Variants in ZFAND3 observed in about 807,000 individuals in gnomAD.
ZFAND3 encodes AN1-type zinc finger protein 3.
ZFAND3 carries 10 observed loss-of-function variants against 29.6 expected under a neutral mutation model. The ratio of observed to expected loss-of-function variants is 0.34; its 90% confidence interval spans 0.21 to 0.57. The LOEUF (loss-of-function observed/expected upper bound fraction) is 0.57. ZFAND3 is among the 20% of genes least tolerant of loss of function. The pLI, the probability that ZFAND3 is intolerant of heterozygous loss-of-function variation, is 0.86. For missense variants in ZFAND3, 230 were observed against 304.5 expected (o/e 0.76, Z 1.82); for synonymous variants, 128 against 112.6 (o/e 1.14, Z -0.87).
intron 1 of ZFAND3, among the ~76,000 whole-genome samples, chr6:37,927,369 G>A (rs1276435470): frequency 2.6e-5 from 4 of 152,178 alleles, no homozygotes; most frequent in Non-Finnish European, 4.4e-5. Flanking sequence ...GTGGCATTGC[G>A]TGGACAAGAG....
intron 5 of ZFAND3, among the ~76,000 whole-genome samples, 174 bp from the exon 6 acceptor site, chr6:38,152,061 G>A (rs886600342): frequency 1.3e-5 from 2 of 152,148 alleles, no homozygotes; most frequent in Non-Finnish European, 2.9e-5. Flanking sequence ...TGACCCTCTT[G>A]CTCCAGGGTG....
intron 2 of ZFAND3, among the ~76,000 whole-genome samples, chr6:38,044,457 A>G (rs1228310344): frequency 6.6e-6 from 1 of 152,096 alleles, no homozygotes; most frequent in African/African-American, 2.4e-5. Context: ...GCCATCTTGC[A>G]GAAGAACTTG....
chr6:38,049,962 T>TA (rs1293966679), intron 2 of ZFAND3, among the ~76,000 whole-genome samples: 1 of 10,426 alleles, frequency 9.6e-5, no homozygotes, highest in African/African-American at 1.7e-4. Context: ...TTTTTTTTTT[T>TA]TTTTTTGGGG....
At chr6:38,015,617 G>T (rs547907113) in intron 2 of ZFAND3, among the ~76,000 whole-genome samples, 19 of 152,270 alleles carry the variant, frequency 1.2e-4, no homozygotes, top group Admixed American at 1.2e-3. Context: ...TATTAGCAAG[G>T]AATACATCTC....
chr6:38,003,688 T>TTTG, intron 2 of ZFAND3: 1 of 321,464 alleles, frequency 3.1e-6, no homozygotes. Context: ...TTTTTTTTTG[T>TTTG]AGAGACGGGG....
intron 3 of ZFAND3, among the ~76,000 whole-genome samples, chr6:38,075,452 G>T (rs1466781398): frequency 6.6e-6 from 1 of 152,188 alleles, no homozygotes. Context: ...GGAGCCTGAT[G>T]AGGTGACTGA....
At chr6:37,904,907 T>C (rs1318639921) in intron 1 of ZFAND3, among the ~76,000 whole-genome samples, 1 of 152,178 alleles carries the variant, frequency 6.6e-6, no homozygotes. Flanking sequence ...CCCTGCTACA[T>C]GTTGTGTAAG....
intron 4 of ZFAND3, among the ~76,000 whole-genome samples, chr6:38,089,978 T>C (rs941585806): frequency 2.0e-5 from 3 of 152,102 alleles, no homozygotes; most frequent in Admixed American, 6.5e-5. Flanking sequence ...CTCAGCCTCC[T>C]GAGTAGCTGG....
chr6:37,827,164 A>G (rs572294351), intron 1 of ZFAND3, among the ~76,000 whole-genome samples: 38 of 152,326 alleles, frequency 2.5e-4, no homozygotes, highest in South Asian at 1.7e-3. Flanking sequence ...AAGCAATGCT[A>G]TTGTTAATCC....
intron 1 of ZFAND3, among the ~76,000 whole-genome samples, chr6:37,839,331 C>T (rs528386074): frequency 3.3e-5 from 5 of 151,094 alleles, no homozygotes; most frequent in African/African-American, 1.2e-4. Flanking sequence ...CAGACGCGTG[C>T]CACCATGCCT....
At chr6:37,970,583 G>A (rs1362461063) in intron 2 of ZFAND3, among the ~76,000 whole-genome samples, 1 of 152,106 alleles carries the variant, frequency 6.6e-6, no homozygotes, top group Admixed American at 6.5e-5. Flanking sequence ...GATTGGAATG[G>A]AGTCTCCCCG....
chr6:38,085,186 T>G (rs541158154), intron 4 of ZFAND3, among the ~76,000 whole-genome samples: 1 of 152,368 alleles, frequency 6.6e-6, no homozygotes, highest in Non-Finnish European at 1.5e-5. Context: ...TTAGGATTCA[T>G]ATCTATGACA....
rs190036926 is a variant in ZFAND3, at chr6:38,012,183, G to A, written c.113-49410G>A. ...CCGTTCCTAGTGGAGAAGTTGCGTCGTGTTCTCAAGAAGCACAGAGGGAGA... is the reference window on the plus strand; with the variant it reads ...CCGTTCCTAGTGGAGAAGTTGCGTCATGTTCTCAAGAAGCACAGAGGGAGA... On this transcript the variant is annotated intron_variant, in intron 2 of 5. Coordinates refer to ENST00000287218, the MANE Select transcript of ZFAND3 (RefSeq NM_021943.3). Among the ~76,000 whole-genome samples, 9 of 152,150 alleles carry A rather than the reference G, an allele frequency of 5.9e-5. No individual in the cohort carries two copies. In the South Asian group the frequency reaches 6.2e-4, roughly 11 times the overall value.
At chr6:38,041,686 TCCTTC>T (rs1561976806) in intron 2 of ZFAND3, among the ~76,000 whole-genome samples, 10 of 21,702 alleles carry the variant, frequency 4.6e-4, no homozygotes, top group African/African-American at 7.3e-4. Flanking sequence ...CTTCTTCTTC[TCCTTC>T]TCCTTCTCCT....
chr6:37,914,519 A>G (rs746309996), intron 1 of ZFAND3, among the ~76,000 whole-genome samples: 47 of 152,010 alleles, frequency 3.1e-4, no homozygotes, highest in Non-Finnish European at 6.5e-4. Context: ...TTGTATTTTT[A>G]GTAGAGATGG....
chr6:37,903,171 T>C (rs566434468), intron 1 of ZFAND3, among the ~76,000 whole-genome samples: 39 of 152,324 alleles, frequency 2.6e-4, no homozygotes, highest in Non-Finnish European at 1.0e-4. Context: ...TGTTAAAACT[T>C]CTTTATTTAT....
chr6:37,914,082 C>T (rs755794498), intron 1 of ZFAND3, among the ~76,000 whole-genome samples: 3 of 152,010 alleles, frequency 2.0e-5, no homozygotes, highest in Non-Finnish European at 2.9e-5. Flanking sequence ...TGAAATGATT[C>T]CTTGATCCAT....
chr6:37,874,890 T>G (rs1381447331), intron 1 of ZFAND3, among the ~76,000 whole-genome samples: 2 of 152,166 alleles, frequency 1.3e-5, no homozygotes, highest in Non-Finnish European at 2.9e-5. Context: ...ACACCATTCT[T>G]AGCTGTGGGG....
At chr6:38,066,422 A>G (rs1764347283) in intron 3 of ZFAND3, among the ~76,000 whole-genome samples, 1 of 152,230 alleles carries the variant, frequency 6.6e-6, no homozygotes, top group African/African-American at 2.4e-5. Flanking sequence ...TCAAGGGACC[A>G]GAATTTCATC....
Sources: gnomAD v4.1 joint callset for allele counts (sites outside exome capture counted in the v4.1 genomes callset) on GRCh38, gnomAD v4.1.1 for gene constraint, MANE v1.5 for transcripts, NCBI Gene and HGNC (gene_info 2026-07-23, HGNC 2026-07-21) for gene names.